Variants in STX6 observed in about 807,000 individuals in gnomAD.
STX6 encodes syntaxin 6, also known as syntaxin-6.
A neutral mutation model predicts 38.0 loss-of-function variants in STX6; 23 were observed. That is an observed-to-expected ratio of 0.60 (90% confidence interval 0.43 to 0.86). The LOEUF is 0.86. Among genes scored for constraint, STX6 ranks in the 40% least tolerant of loss-of-function variants. The pLI is 0.00. For missense variants in STX6, 274 were observed against 312.9 expected, an observed-to-expected ratio of 0.88 and a Z score of 0.94; for synonymous variants, 123 against 107.5, an observed-to-expected ratio of 1.14 and a Z score of -0.89.
chr1:181,005,117 T>C, intron 2 of STX6, 177 bp downstream of exon 2: 1 of 665,722 alleles, frequency 1.5e-6, no homozygotes, highest in Middle Eastern at 7.5e-4. Flanking sequence ...GTATAAGAAT[T>C]TGGCTACTGT....
rs755005941 is a variant in STX6, at chr1:181,022,721, C to G, written c.-48G>C. The G allele has an allele frequency of 1.2e-5, 19 of 1,567,896 alleles. No individual in the cohort carries two copies. The Admixed American group carries it at 2.2e-4, about 18-fold the overall frequency. ...TCACCTCCTCCGCGCACAGGGCGCCCGTGCCTCCCGGTCTCCCTCCGCCCA... is the reference window on the plus strand; with the variant it reads ...TCACCTCCTCCGCGCACAGGGCGCCGGTGCCTCCCGGTCTCCCTCCGCCCA... On this transcript the variant is annotated 5_prime_UTR_variant, in exon 1 of 8. Coordinates refer to ENST00000258301, the MANE Select transcript of STX6 (RefSeq NM_005819.6).
intron 3 of STX6, among the ~76,000 whole-genome samples, chr1:181,002,096 C>A (rs1293656377): frequency 4.6e-5 from 7 of 152,126 alleles, no homozygotes; most frequent in Admixed American, 2.6e-4. Flanking sequence ...CAAGATCATG[C>A]CACTACATTT....
Position 181,014,119 on chromosome 1 carries a change from C to T in STX6, c.35+8520G>A, listed in dbSNP as rs192624738. On this transcript the variant is annotated intron_variant, in intron 1 of 7. Coordinates refer to ENST00000258301, the MANE Select transcript of STX6 (RefSeq NM_005819.6). ...TCACAATTTAATAAAAACAAACAGCCGGGCGTGGTGGCTCACGCCTGTAAT... is the reference window on the plus strand; with the variant it reads ...TCACAATTTAATAAAAACAAACAGCTGGGCGTGGTGGCTCACGCCTGTAAT... Among the ~76,000 whole-genome samples, 60 of 152,196 alleles carry T rather than the reference C, an allele frequency of 3.9e-4. No individual in the cohort carries two copies. In the East Asian group the frequency reaches 7.9e-3, roughly 20 times the overall value.
chr1:181,008,530 G>C (rs1320494250), intron 1 of STX6, among the ~76,000 whole-genome samples: 6 of 152,146 alleles, frequency 3.9e-5, no homozygotes, highest in Middle Eastern at 3.4e-3. Flanking sequence ...TTTACTTTTG[G>C]ATGATTTTAT....
At chr1:180,991,149 T>C (rs1435268645) in intron 4 of STX6, among the ~76,000 whole-genome samples, 2 of 152,208 alleles carry the variant, frequency 1.3e-5, no homozygotes, top group Non-Finnish European at 2.9e-5. Flanking sequence ...ATACTGACAC[T>C]GACCTCTTCT....
intron 7 of STX6, among the ~76,000 whole-genome samples, chr1:180,984,016 A>AGC (rs2102303610): frequency 7.8e-6 from 1 of 128,764 alleles, no homozygotes; most frequent in East Asian, 2.7e-4. Flanking sequence ...GTGAGCCGAG[A>AGC]TTACGCCACT....
At chr1:181,006,903 C>T (rs113416084) in intron 1 of STX6, among the ~76,000 whole-genome samples, 2 of 152,184 alleles carry the variant, frequency 1.3e-5, no homozygotes, top group African/African-American at 2.4e-5. Flanking sequence ...AATCTACCAA[C>T]GTCTATTCAT....
intron 1 of STX6, among the ~76,000 whole-genome samples, chr1:181,008,747 T>TTTTTTG (rs1446198663): frequency 6.6e-6 from 1 of 151,332 alleles, no homozygotes; most frequent in Non-Finnish European, 1.5e-5. Flanking sequence ...TTTTTTTTTT[T>TTTTTTG]TTAAACAAAA....
chr1:181,019,978 T>C (rs1347836237), intron 1 of STX6, among the ~76,000 whole-genome samples: 2 of 151,900 alleles, frequency 1.3e-5, no homozygotes, highest in Admixed American at 6.6e-5. Context: ...CTGGCTAACA[T>C]GGTGAAACCC....
At chr1:180,981,459 C>A (rs558669349) in intron 7 of STX6, among the ~76,000 whole-genome samples, 43 of 152,160 alleles carry the variant, frequency 2.8e-4, no homozygotes, top group Admixed American at 4.6e-4. Flanking sequence ...CTTCTCCAAC[C>A]CCGCCCTCAA....
intron 7 of STX6, 129 bp downstream of exon 7, chr1:180,984,548 C>A: frequency 2.3e-6 from 1 of 439,806 alleles, no homozygotes. Flanking sequence ...GACTCTGTCT[C>A]AAAAAAAAGA....
intron 3 of STX6, among the ~76,000 whole-genome samples, chr1:180,996,869 G>A (rs1391829644): frequency 1.3e-5 from 2 of 152,138 alleles, no homozygotes; most frequent in African/African-American, 2.4e-5. Flanking sequence ...CATCATGACT[G>A]GCAATGAATA....
At position 180,990,001 on chromosome 1, in the gene STX6, GCTC is replaced by G; in HGVS notation, c.469_471del (p.Glu157del). The G allele has an allele frequency of 6.2e-7, 1 of 1,613,828 alleles. No individual in the cohort carries two copies. Among genetic ancestry groups the G allele is most frequent in the Non-Finnish European group, 8.5e-7 (1 of 1,180,002 alleles). On this transcript the variant is annotated inframe_deletion, in exon 5 of 8. Transcript: ENST00000258301. ...TGGGGTACCTGCTGCTGTGCCTGCT[GCTC>G]CTCAATGAAATGAGAATTGGCTCTC...
At chr1:181,011,977 C>T (rs537121291) in intron 1 of STX6, among the ~76,000 whole-genome samples, 3 of 152,198 alleles carry the variant, frequency 2.0e-5, no homozygotes, top group Non-Finnish European at 2.9e-5. Context: ...GCTTCTTTAT[C>T]CCTTATCTTT....
chr1:181,004,408 C>T (rs1020821886), intron 2 of STX6, among the ~76,000 whole-genome samples: 1 of 152,224 alleles, frequency 6.6e-6, no homozygotes, highest in Non-Finnish European at 1.5e-5. Flanking sequence ...TTGAAGCTTT[C>T]AGCCCCCTGC....
At chr1:180,991,273 T>A in intron 4 of STX6, among the ~76,000 whole-genome samples, 1 of 152,186 alleles carries the variant, frequency 6.6e-6, no homozygotes, top group East Asian at 1.9e-4. Context: ...AGAGCTTCAG[T>A]CCAGCTGGAT....
intron 1 of STX6, among the ~76,000 whole-genome samples, chr1:181,017,037 A>C (rs1477097351): frequency 6.7e-6 from 1 of 150,250 alleles, no homozygotes; most frequent in Non-Finnish European, 1.5e-5. Flanking sequence ...GCGCCACTGC[A>C]CTCCAGCCTG....
At chr1:181,003,781 G>GA (rs545090061) in intron 2 of STX6, among the ~76,000 whole-genome samples, 2,425 of 152,084 alleles carry the variant, frequency 0.016, 36 homozygotes, top group Middle Eastern at 0.072. Flanking sequence ...TTTCCAGTTG[G>GA]AAAAAAAGGC....
intron 6 of STX6, chr1:180,988,009 T>G: frequency 2.6e-6 from 1 of 388,442 alleles, no homozygotes; most frequent in Non-Finnish European, 4.8e-6. Flanking sequence ...GTGTCTGTTT[T>G]TGGAGGTGTT....
Sources: gnomAD v4.1 joint callset for allele counts (sites outside exome capture counted in the v4.1 genomes callset) on GRCh38, gnomAD v4.1.1 for gene constraint, MANE v1.5 for transcripts, NCBI Gene and HGNC (gene_info 2026-07-23, HGNC 2026-07-21) for gene names.